Variants in SH3GLB2 observed in about 807,000 individuals in gnomAD.
SH3GLB2 encodes SH3 domain containing GRB2 like, endophilin B2.
A neutral mutation model predicts 48.0 loss-of-function variants in SH3GLB2; 24 were observed. The ratio of observed to expected loss-of-function variants is 0.50; its 90% CI spans 0.36 to 0.70. The LOEUF (loss-of-function observed/expected upper bound fraction) is 0.70. SH3GLB2 is among the 30% of genes least tolerant of loss of function. The pLI, the probability that SH3GLB2 is intolerant of heterozygous loss-of-function variation, is 0.00. For synonymous variants in SH3GLB2, 227 were observed against 207.6 expected (o/e 1.09, Z -0.80); for missense variants, 425 against 516.0 (o/e 0.82, Z 1.71).
At chr9:129,019,580 T>C (rs1843651950) in intron 3 of SH3GLB2, among the ~76,000 whole-genome samples, 1 of 149,452 alleles carries the variant, frequency 6.7e-6, no homozygotes, top group Admixed American at 6.7e-5. Flanking sequence ...GTGGTGGGCG[T>C]GTGCAATCCT....
At chr9:129,009,735 G>T in intron 9 of SH3GLB2, 36 bp downstream of exon 9, 1 of 1,582,294 alleles carries the variant, frequency 6.3e-7, no homozygotes, top group South Asian at 1.1e-5. Flanking sequence ...TGGGAGCCAG[G>T]GGGCCCCAGT....
At chr9:129,010,955 C>T (rs1180750951) in intron 6 of SH3GLB2, 3 of 538,688 alleles carry the variant, frequency 5.6e-6, no homozygotes, top group Non-Finnish European at 1.0e-5. Flanking sequence ...AGTGTCAGCC[C>T]CATTCTCTGA....
At position 129,009,224 on chromosome 9, in the gene SH3GLB2, C is replaced by T. The variant is rs1414778572; in HGVS notation, c.962G>A (p.Gly321Glu). ...CTCTTCCAGGCAGAGCGAGGCCTCC[C>T]CCGGAGGGGCCAGGCTGGCCACAGA... ...VPSVASLAPP[G>E]EASLCLEEVA... The change falls in exon 10 of 11, where the codon GGG becomes GAG. Residue 321 changes from glycine to glutamate, a missense_variant. Coordinates refer to ENST00000372564, the MANE Select transcript of SH3GLB2 (RefSeq NM_020145.4). 5 of 1,603,776 alleles carry T rather than the reference C, an allele frequency of 3.1e-6. No individual in the cohort carries two copies. Among genetic ancestry groups the T allele is most frequent in the Admixed American group, 1.7e-5 (1 of 58,640 alleles).
chr9:129,008,020 G>C lies in SH3GLB2; in HGVS notation c.*664C>G, dbSNP rs1842860563. ...TTTACCACCCTCAGGGCCAGGCCCT[G>C]ACAGGAGCCCAGGTGACTCGCACAC... On this transcript the variant is annotated 3_prime_UTR_variant, in exon 11 of 11. Transcript: ENST00000372564. 1 of 152,474 alleles carries C rather than the reference G, an allele frequency of 6.6e-6. No homozygotes were observed. Among genetic ancestry groups the C allele is most frequent in the Admixed American group, 6.5e-5 (1 of 15,300 alleles). The allele number at this position is 152,474 out of a possible 1,614,324, so 9.4% of individuals were successfully genotyped here. A position where few individuals can be genotyped will look rare whatever the true frequency, so the allele number is the denominator to read the frequency against.
chr9:129,023,862 C>T (rs759253037), intron 1 of SH3GLB2, among the ~76,000 whole-genome samples: 2 of 152,136 alleles, frequency 1.3e-5, no homozygotes, highest in Non-Finnish European at 1.5e-5. Context: ...TCCTCTTCCT[C>T]GTCACACTCC....
rs573863203 is a variant in SH3GLB2, at chr9:129,018,765, C to T, written c.334+2326G>A. On this transcript the variant is annotated intron_variant, in intron 3 of 10. Transcript: ENST00000372564. ...AAAATTAGCCGAGCGTGGTGGCAGG[C>T]GCCTGTAGTCCAGCTACTCGGGAGG... is the stretch of plus-strand genomic sequence containing the variant. 4.7e-5 allele frequency among the ~76,000 whole-genome samples: 7 copies of T among 150,426 alleles called. No homozygotes were observed. In the East Asian group the frequency reaches 7.8e-4, roughly 17 times the overall value.
chr9:129,017,901 C>CAA (rs900509486), intron 3 of SH3GLB2, among the ~76,000 whole-genome samples: 25 of 64,784 alleles, frequency 3.9e-4, no homozygotes, highest in African/African-American at 9.0e-4. Flanking sequence ...CCGTCTCAAA[C>CAA]AAAAAAAAAA....
intron 6 of SH3GLB2, 152 bp downstream of exon 6, chr9:129,012,083 GC>G (rs1843157235): frequency 2.3e-6 from 1 of 438,116 alleles, no homozygotes; most frequent in Non-Finnish European, 3.8e-6. Flanking sequence ...GGGGGCTGCT[GC>G]CCCTCCCCAG....
At position 129,013,059 on chromosome 9, in the gene SH3GLB2, A is replaced by G. The variant is rs549599248; in HGVS notation, c.562-761T>C. 3 of 1,551,038 alleles carry G rather than the reference A, an allele frequency of 1.9e-6. No homozygotes were observed. The Admixed American group carries it at 5.9e-5, about 30-fold the overall frequency. The stretch of plus-strand genomic sequence containing the variant: ...CCAAAGCAGGACGGAAAGGAACAAA[A>G]ACAAAGAGTTAGTGAGTCCACAGCG... On this transcript the variant is annotated intron_variant, in intron 5 of 10. Transcript: ENST00000372564.
chr9:129,024,435 C>T (rs917751466), intron 1 of SH3GLB2, among the ~76,000 whole-genome samples: 2 of 151,086 alleles, frequency 1.3e-5, no homozygotes, highest in African/African-American at 4.9e-5. Flanking sequence ...GTGGCGGGCA[C>T]GTGTAGACCC....
chr9:129,010,691 G>A lies in SH3GLB2; in HGVS notation c.627C>T (p.Leu209=), dbSNP rs1246544841. The A allele has an allele frequency of 6.2e-7, 1 of 1,613,930 alleles. No homozygotes were observed. Among genetic ancestry groups the A allele is most frequent in the Non-Finnish European group, 8.5e-7 (1 of 1,179,966 alleles). The change falls in exon 7 of 11, where the codon CTC becomes CTT. Residue 209 remains leucine (L), a splice_region_variant and synonymous_variant. Coordinates refer to ENST00000372564, the MANE Select transcript of SH3GLB2 (RefSeq NM_020145.4). ...NYILSASASA[L]WNDEVDKAEQ... ...TTACCTTGTCCACTTCATCATTCCAGAGCTGTGGAGACGGCAGCAGGAGTG... is the reference window on the plus strand; with the variant it reads ...TTACCTTGTCCACTTCATCATTCCAAAGCTGTGGAGACGGCAGCAGGAGTG...
At chr9:129,010,040 A>C in intron 8 of SH3GLB2, 80 bp downstream of exon 8, 1 of 1,474,216 alleles carries the variant, frequency 6.8e-7, no homozygotes. Context: ...ATTCTGGGGC[A>C]GCCCTGCTGA....
In SH3GLB2 at chr9:129,007,673, T is replaced by C. The variant is rs1842844512; in HGVS notation, c.*1011A>G. On this transcript the variant is annotated 3_prime_UTR_variant, in exon 11 of 11. Transcript: ENST00000372564. ...ACACTGAGGACGGCATGAGAACCCATGGCACGGGGGCACATGCTGGGTGAA... is the reference window on the plus strand; with the variant it reads ...ACACTGAGGACGGCATGAGAACCCACGGCACGGGGGCACATGCTGGGTGAA... 1 of 152,246 alleles carries C rather than the reference T, an allele frequency of 6.6e-6. No homozygotes were observed. The highest frequency in any genetic ancestry group is 1.5e-5 in the Non-Finnish European group (1 of 68,074). The allele number at this position is 152,246 out of a possible 1,614,324, so 9.4% of individuals were successfully genotyped here.
chr9:129,011,045 T>A lies in SH3GLB2; in HGVS notation c.625-352A>T. 1 of 337,592 alleles carries A rather than the reference T, an allele frequency of 3.0e-6. No homozygotes were observed. The highest frequency in any genetic ancestry group is 5.5e-6 in the Non-Finnish European group (1 of 182,212). The allele number at this position is 337,592 out of a possible 1,614,324, so 20.9% of individuals were successfully genotyped here. ...GCTGCTGGGCTGGGCGGCAGAACTGTGTGACCCTGGGCCAGTCACTGAAGC... is the reference window on the plus strand; with the variant it reads ...GCTGCTGGGCTGGGCGGCAGAACTGAGTGACCCTGGGCCAGTCACTGAAGC... On this transcript the variant is annotated intron_variant, in intron 6 of 10. Transcript: ENST00000372564. This position sits in a 1 kb window ranked among gnomAD's most constrained non-coding sequence, Gnocchi z 4.5.
At chr9:129,028,025 G>A (rs1328776957) in intron 1 of SH3GLB2, 67 bp downstream of exon 1, 1 of 1,440,114 alleles carries the variant, frequency 6.9e-7, no homozygotes, top group Non-Finnish European at 9.2e-7. Flanking sequence ...CCAGGCGTCT[G>A]CCGCAGGGTG....
chr9:129,011,152 C>T lies in SH3GLB2; in HGVS notation c.625-459G>A, dbSNP rs1476838149. The T allele has an allele frequency of 6.2e-6, 1 of 162,006 alleles. No homozygotes were observed. Among genetic ancestry groups the T allele is most frequent in the African/African-American group, 2.4e-5 (1 of 41,674 alleles). The allele number at this position is 162,006 out of a possible 1,614,324, so 10.0% of individuals were successfully genotyped here. The stretch of plus-strand genomic sequence containing the variant: ...TGGCAAAAGAAAAACAGGGCAGTCT[C>T]CACCCTCTAGGATGTTTCTCCTTCC... On this transcript the variant is annotated intron_variant, in intron 6 of 10. Transcript: ENST00000372564. This position sits in a 1 kb window ranked among gnomAD's most constrained non-coding sequence, Gnocchi z 4.5.
chr9:129,009,013 C>G (rs1187925709), intron 10 of SH3GLB2, 93 bp downstream of exon 10: 3 of 1,564,940 alleles, frequency 1.9e-6, no homozygotes, highest in East Asian at 4.5e-5. Context: ...ACTTTGCCAA[C>G]AGGGCCCCTC....
At chr9:129,018,576 C>CAA (rs1233618576) in intron 3 of SH3GLB2, among the ~76,000 whole-genome samples, 2 of 101,608 alleles carry the variant, frequency 2.0e-5, no homozygotes, top group East Asian at 2.9e-4. Context: ...GACTCCGTCT[C>CAA]AAAAAAAAAA....
intron 1 of SH3GLB2, among the ~76,000 whole-genome samples, chr9:129,026,781 C>T (rs1844189409): frequency 1.3e-5 from 2 of 152,260 alleles, no homozygotes; most frequent in South Asian, 4.1e-4. Flanking sequence ...GGGTTCCCCC[C>T]TCCCAGATGG....
Sources: gnomAD v4.1 joint callset for allele counts (sites outside exome capture counted in the v4.1 genomes callset) on GRCh38, gnomAD v4.1.1 for gene constraint, Gnocchi (gnomAD v3.1) non-coding constraint, MANE v1.5 for transcripts, NCBI Gene and HGNC (gene_info 2026-07-23, HGNC 2026-07-21) for gene names.